The following SIPA1L2 variants were observed in gnomAD, a reference collection of about 807,000 sequenced individuals.
SIPA1L2 encodes signal induced proliferation associated 1 like 2.
A neutral mutation model predicts 163.9 loss-of-function variants in SIPA1L2; 56 were observed. The observed-to-expected ratio is 0.34, with a 90% CI of 0.28 to 0.43. The LOEUF (loss-of-function observed/expected upper bound fraction) is 0.43, where lower values mean the gene tolerates loss of function less well. Among genes scored for constraint, SIPA1L2 ranks in the 20% least tolerant of loss-of-function variants. The pLI is 1.00. For synonymous variants in SIPA1L2, 877 were observed against 865.7 expected, an observed-to-expected ratio of 1.01 and a Z score of -0.23; for missense variants, 1,974 against 2,193.5, an observed-to-expected ratio of 0.90 and a Z score of 2.00.
intron 5 of SIPA1L2, among the ~76,000 whole-genome samples, chr1:232,487,519 A>G (rs937066538): frequency 1.3e-5 from 2 of 152,172 alleles, no homozygotes; most frequent in Non-Finnish European, 2.9e-5. Flanking sequence ...AGGATTTCAT[A>G]ATATTCTAAG....
At chr1:232,593,083 C>T (rs1050566961) in intron 1 of SIPA1L2, among the ~76,000 whole-genome samples, 4 of 152,156 alleles carry the variant, frequency 2.6e-5, no homozygotes, top group South Asian at 2.1e-4. Context: ...AGCTGCAAAA[C>T]GACTCTGAAG....
At chr1:232,445,898 G>C in intron 10 of SIPA1L2, 112 bp from the exon 11 acceptor site, 1 of 1,220,764 alleles carries the variant, frequency 8.2e-7, no homozygotes, top group South Asian at 1.5e-5. Flanking sequence ...GCCTCTCCCG[G>C]CTCCAAGTCA....
chr1:232,411,697 G>A (rs75131173), intron 19 of SIPA1L2, among the ~76,000 whole-genome samples: 1 of 150,198 alleles, frequency 6.7e-6, no homozygotes, highest in Non-Finnish European at 1.5e-5. Flanking sequence ...TTCCCTTTTT[G>A]CCATTGAAAT....
rs370042763 is a variant in SIPA1L2, at chr1:232,437,753, A to G, written c.4031+1355T>C. Among the ~76,000 whole-genome samples, 302 of 152,152 alleles carry G rather than the reference A, an allele frequency of 2.0e-3. 2 individuals carry two copies. Among genetic ancestry groups the G allele is most frequent in the African/African-American group, 6.9e-3 (287 of 41,542 alleles). ...GGAGATACGGGGGTGGTGTGGGGGC[A>G]GGGGTTGGCTTTGGAGAGGGCAGAA... On this transcript the variant is annotated intron_variant, in intron 15 of 22. Transcript: ENST00000674635.
chr1:232,573,512 A>G (rs1043585605), intron 2 of SIPA1L2, among the ~76,000 whole-genome samples: 3 of 152,194 alleles, frequency 2.0e-5, no homozygotes, highest in Non-Finnish European at 4.4e-5. Context: ...ATTTTTGACA[A>G]TCCAAAGCTG....
In SIPA1L2 at chr1:232,415,679, C is replaced by G. The variant is rs79234695; in HGVS notation, c.4631-54G>C. ...TCATCAGTCACAGCACGGGCACCAGCCCAGAGTGAGTCAGAACATGGGCAC... is the reference window on the plus strand; with the variant it reads ...TCATCAGTCACAGCACGGGCACCAGGCCAGAGTGAGTCAGAACATGGGCAC... On this transcript the variant is annotated intron_variant, in intron 18 of 22. Transcript: ENST00000674635. 4.4e-6 allele frequency: 7 copies of G among 1,608,488 alleles called. No individual in the cohort carries two copies. The African/African-American group carries it at 6.7e-5, about 15-fold the overall frequency.
chr1:232,608,662 C>T (rs187454061), intron 1 of SIPA1L2, among the ~76,000 whole-genome samples: 2 of 152,264 alleles, frequency 1.3e-5, no homozygotes, highest in Admixed American at 6.5e-5. Flanking sequence ...TGTTTCTCTG[C>T]GTGCTGCACA....
intron 1 of SIPA1L2, among the ~76,000 whole-genome samples, chr1:232,584,327 C>T (rs1367489974): frequency 1.3e-5 from 2 of 152,150 alleles, no homozygotes; most frequent in Non-Finnish European, 2.9e-5. Flanking sequence ...CAGGTTCAAG[C>T]GATTCTCCTG....
At chr1:232,548,545 A>T (rs1435072114) in intron 2 of SIPA1L2, among the ~76,000 whole-genome samples, 1 of 152,182 alleles carries the variant, frequency 6.6e-6, no homozygotes, top group African/African-American at 2.4e-5. Context: ...TTATTCATTT[A>T]CTCTTTCAAT....
intron 19 of SIPA1L2, among the ~76,000 whole-genome samples, chr1:232,409,218 A>G (rs1462483603): frequency 6.6e-6 from 1 of 152,252 alleles, no homozygotes. Context: ...CATTAACTCT[A>G]CAAGTTAATT....
chr1:232,604,712 T>C (rs566896370), intron 1 of SIPA1L2, among the ~76,000 whole-genome samples: 2 of 152,230 alleles, frequency 1.3e-5, no homozygotes, highest in South Asian at 2.1e-4. Context: ...GACTGGATCA[T>C]GGGGGTAGTT....
rs1425835934 is a variant in SIPA1L2, at chr1:232,555,868, A to T, written c.-270+18306T>A. Among the ~76,000 whole-genome samples the T allele has an allele frequency of 3.3e-5, 5 of 152,332 alleles. No individual in the cohort carries two copies. The East Asian group carries it at 7.7e-4, about 23-fold the overall frequency. ...ACAGAAAAAAATCTATCCATCACAA[A>T]GGTATTAGCTCACAAGGGTATTAAC... is the stretch of plus-strand genomic sequence containing the variant. On this transcript the variant is annotated intron_variant, in intron 2 of 22. Transcript: ENST00000674635.
intron 10 of SIPA1L2, among the ~76,000 whole-genome samples, chr1:232,460,157 G>C (rs749578231): frequency 2.0e-5 from 3 of 152,096 alleles, no homozygotes; most frequent in Non-Finnish European, 2.9e-5. Context: ...CTCAATAAAC[G>C]GCTCCTTCTT....
At chr1:232,591,443 C>T (rs556061495) in intron 1 of SIPA1L2, among the ~76,000 whole-genome samples, 9 of 152,336 alleles carry the variant, frequency 5.9e-5, no homozygotes, top group African/African-American at 1.9e-4. Context: ...CTGGGTCTGC[C>T]GAGGATGGGC....
chr1:232,399,596 G>GT (rs1450150652), intron 22 of SIPA1L2, among the ~76,000 whole-genome samples: 1 of 151,984 alleles, frequency 6.6e-6, no homozygotes, highest in African/African-American at 2.4e-5. Flanking sequence ...GAGGTTAAAG[G>GT]TAATACCCTT....
intron 10 of SIPA1L2, among the ~76,000 whole-genome samples, chr1:232,453,553 G>T (rs1441533047): frequency 6.6e-6 from 1 of 152,176 alleles, no homozygotes; most frequent in Non-Finnish European, 1.5e-5. Context: ...ACCTTAGCAT[G>T]TGTAGCACTT....
chr1:232,438,361 G>A (rs1662687815), intron 15 of SIPA1L2, among the ~76,000 whole-genome samples: 1 of 152,220 alleles, frequency 6.6e-6, no homozygotes, highest in Admixed American at 6.5e-5. Flanking sequence ...GACAGTGGTA[G>A]TTGCTATAAA....
Position 232,465,101 on chromosome 1 carries a change from C to T in SIPA1L2, c.2559G>A (p.Gly853=), listed in dbSNP as rs1460038478. The part of the protein sequence containing the change: ...PRKDAHLFSI[G]AIMWHVIARD... ...GGGCTATCACGTGCCACATGATGGC[C>T]CCAATGCTAAACAAGTGGGCATCCT... The change falls in exon 9 of 23, where the codon GGG becomes GGA. Residue 853 remains glycine, a synonymous_variant. Transcript: ENST00000674635. This position sits in a 1 kb window ranked among gnomAD's most constrained non-coding sequence, Gnocchi z 4.1. 6.2e-7 allele frequency: 1 copy of T among 1,614,028 alleles called. No individual in the cohort carries two copies. The highest frequency in any genetic ancestry group is 1.3e-5 in the African/African-American group (1 of 74,894).
chr1:232,609,674 C>G (rs890068781), intron 1 of SIPA1L2, among the ~76,000 whole-genome samples: 5 of 151,534 alleles, frequency 3.3e-5, no homozygotes, highest in Non-Finnish European at 7.4e-5. Context: ...ACTAAAAATA[C>G]AAAAAATTAG....
Sources: gnomAD v4.1 joint callset for allele counts (sites outside exome capture counted in the v4.1 genomes callset) on GRCh38, gnomAD v4.1.1 for gene constraint, Gnocchi (gnomAD v3.1) non-coding constraint, MANE v1.5 for transcripts, NCBI Gene and HGNC (gene_info 2026-07-23, HGNC 2026-07-21) for gene names.